Variants in DMRTB1 observed in about 807,000 individuals in gnomAD.
DMRTB1 encodes DMRT like family B with proline rich C-terminal 1.
DMRTB1 carries 9 observed loss-of-function variants against 25.2 expected under a neutral mutation model. That is an observed-to-expected ratio of 0.36 (90% confidence interval 0.22 to 0.62). The LOEUF is 0.62. Ranked by LOEUF, DMRTB1 falls within the 20% of genes least tolerant of loss-of-function variation. DMRTB1 has a pLI of 0.71. For synonymous variants in DMRTB1, 269 were observed against 238.1 expected (o/e 1.13, Z -1.20); for missense variants, 551 against 499.3 (o/e 1.10, Z -0.99).
chr1:53,460,322 T>G, intron 1 of DMRTB1: 6 of 304,484 alleles, frequency 2.0e-5, no homozygotes, highest in East Asian at 7.3e-5. Context: ...TTAGCAGTGC[T>G]TCCTCCTCCG....
chr1:53,461,372 G>A, intron 1 of DMRTB1, 101 bp from the exon 2 acceptor site: 1 of 1,286,218 alleles, frequency 7.8e-7, no homozygotes, highest in Non-Finnish European at 1.0e-6. Flanking sequence ...TGGGCTTTCT[G>A]TGCTTGGACG....
intron 1 of DMRTB1, chr1:53,460,702 TCA>T (rs1334360362): frequency 6.6e-6 from 1 of 152,312 alleles, no homozygotes; most frequent in Admixed American, 6.5e-5. Context: ...TAGTTTCAAG[TCA>T]CATGTACATT....
intron 3 of DMRTB1, 105 bp from the exon 4 acceptor site, chr1:53,466,490 C>CA (rs987768364): frequency 5.6e-5 from 68 of 1,212,658 alleles, no homozygotes; most frequent in Middle Eastern, 4.2e-4. Context: ...GACTCTGTCT[C>CA]AAAAAAATTA....
chr1:53,464,792 A>G lies in DMRTB1; in HGVS notation c.906A>G (p.Pro302=), dbSNP rs961546083. The G allele has an allele frequency of 7.5e-6, 12 of 1,606,534 alleles. No homozygotes were observed. The highest frequency in any genetic ancestry group is 9.4e-6 in the Non-Finnish European group (11 of 1,175,078). Residue 302 remains proline (P), a synonymous_variant, in exon 3 of 4, where the codon CCA becomes CCG. Coordinates refer to ENST00000371445, the MANE Select transcript of DMRTB1 (RefSeq NM_033067.3). The part of the protein sequence containing the change: ...LHFLPPPPPP[P]PPSSFSLTVL... ...TCCTCCCCCCGCCACCGCCACCACC[A>G]CCTCCATCATCTTTCTCACTGACCG...
intron 2 of DMRTB1, among the ~76,000 whole-genome samples, chr1:53,462,932 C>A (rs763631226): frequency 1.3e-5 from 2 of 152,248 alleles, no homozygotes. Context: ...CCAAGTAAAG[C>A]ACGTTCCGTC....
Position 53,459,993 on chromosome 1 carries a change from G to A in DMRTB1, c.540G>A (p.Pro180=), listed in dbSNP as rs769801181. ...CTGGCCCCCTAGACCTGCGCAGGCC[G>A]ATGCGGACCGTGCCCGGCCCACTGT... ...GYPGPLDLRR[P]MRTVPGPLFT... Residue 180 remains proline, a synonymous_variant, in exon 1 of 4, where the codon CCG becomes CCA. Transcript: ENST00000371445. 1.3e-6 allele frequency: 2 copies of A among 1,584,706 alleles called. No homozygotes were observed. Among genetic ancestry groups the A allele is most frequent in the Non-Finnish European group, 8.5e-7 (1 of 1,174,272 alleles).
chr1:53,465,843 A>T (rs1644047229), intron 3 of DMRTB1, among the ~76,000 whole-genome samples: 1 of 152,246 alleles, frequency 6.6e-6, no homozygotes, highest in Non-Finnish European at 1.5e-5. Flanking sequence ...CTCCAGTTTC[A>T]TCATGTGTAA....
At chr1:53,462,183 A>T (rs1037339714) in intron 2 of DMRTB1, among the ~76,000 whole-genome samples, 1 of 152,228 alleles carries the variant, frequency 6.6e-6, no homozygotes, top group African/African-American at 2.4e-5. Flanking sequence ...TAATCCTTTT[A>T]TAAGATTAAT....
rs771048281 is a variant in DMRTB1, at chr1:53,459,746, T to C, written c.293T>C (p.Leu98Pro). The change falls in exon 1 of 4, where the codon CTG (leucine) becomes CCG (proline). Residue 98 changes from leucine (L) to proline (P), a missense_variant. Physicochemically the swap from Leu to Pro is moderately conservative, Grantham distance 98. Transcript: ENST00000371445. ...GTCCCGGCCGCGAGCCTCCGCCCGC[T>C]GTCCCCGGGGACTCCCTCCGGAGAC... ...VPVPAASLRP[L>P]SPGTPSGDAD... 1.7e-4 allele frequency: 230 copies of C among 1,353,668 alleles called. 1 individual carries two copies. The East Asian group carries it at 6.3e-3, about 37-fold the overall frequency. 83.9% of individuals were successfully genotyped at this position (1,353,668 alleles called of 1,614,324 possible).
At chr1:53,461,357 C>A in intron 1 of DMRTB1, 116 bp from the exon 2 acceptor site, 1 of 1,095,148 alleles carries the variant, frequency 9.1e-7, no homozygotes, top group Non-Finnish European at 1.3e-6. Flanking sequence ...GAAGGAAGTG[C>A]GGGGTGGGCT....
chr1:53,464,597 T>C, intron 2 of DMRTB1, 40 bp from the exon 3 acceptor site: 1 of 1,611,542 alleles, frequency 6.2e-7, no homozygotes, highest in Non-Finnish European at 8.5e-7. Flanking sequence ...TCTGGCTAAC[T>C]CTCTCTCCTC....
intron 2 of DMRTB1, among the ~76,000 whole-genome samples, chr1:53,463,146 T>C (rs912020854): frequency 6.6e-6 from 1 of 152,318 alleles, no homozygotes; most frequent in African/African-American, 2.4e-5. Flanking sequence ...TCTTCCACCC[T>C]CTCAAGTCTG....
At chr1:53,462,128 C>G (rs1451906621) in intron 2 of DMRTB1, among the ~76,000 whole-genome samples, 1 of 152,216 alleles carries the variant, frequency 6.6e-6, no homozygotes, top group Non-Finnish European at 1.5e-5. Context: ...AACCTTCCCC[C>G]AAACACTTGA....
intron 3 of DMRTB1, 112 bp from the exon 4 acceptor site, chr1:53,466,483 T>C: frequency 1.8e-6 from 2 of 1,099,380 alleles, no homozygotes; most frequent in Non-Finnish European, 2.7e-6. Flanking sequence ...AGAGCGAGAC[T>C]CTGTCTCAAA....
rs1240459607 is a variant in DMRTB1, at chr1:53,466,590, C to T, written c.962-5C>T. The T allele has an allele frequency of 2.1e-5, 34 of 1,614,040 alleles. No homozygotes were observed. Among genetic ancestry groups the T allele is most frequent in the Non-Finnish European group, 2.5e-5 (30 of 1,179,998 alleles). On this transcript the variant is annotated splice_region_variant and splice_polypyrimidine_tract_variant and intron_variant, in intron 3 of 3. Coordinates refer to ENST00000371445, the MANE Select transcript of DMRTB1 (RefSeq NM_033067.3). The stretch of plus-strand genomic sequence containing the variant: ...AAATCCAGCTACCTTCTTTGTCCTT[C>T]ACAGATGACCAGGATGCAGAGGTAC...
intron 2 of DMRTB1, 33 bp downstream of exon 2, chr1:53,461,678 C>T (rs200728390): frequency 1.1e-5 from 17 of 1,518,408 alleles, no homozygotes; most frequent in Non-Finnish European, 2.6e-6. Context: ...TGCCAGCTTC[C>T]TCCACCCAGT....
rs1434937796 is a variant in DMRTB1 at position 53,466,567 on chromosome 1, ATCCAGCTACCT to A, written c.962-25_962-15del. On this transcript the variant is annotated splice_polypyrimidine_tract_variant and intron_variant, in intron 3 of 3. Coordinates refer to ENST00000371445, the MANE Select transcript of DMRTB1 (RefSeq NM_033067.3). ...TAGTTGTAATTTTCGCTCTTTCTAA[ATCCAGCTACCT>A]TCTTTGTCCTTCACAGATGACCAGG... is the stretch of plus-strand genomic sequence containing the variant. The A allele has an allele frequency of 6.2e-7, 1 of 1,602,240 alleles. No homozygotes were observed. Among genetic ancestry groups the A allele is most frequent in the Non-Finnish European group, 8.5e-7 (1 of 1,176,212 alleles).
rs778004738 is a variant in DMRTB1, at chr1:53,461,551, C to T, written c.656C>T (p.Pro219Leu). 6.2e-6 allele frequency: 10 copies of T among 1,612,254 alleles called. No individual in the cohort carries two copies. Among genetic ancestry groups the T allele is most frequent in the Admixed American group, 3.3e-5 (2 of 59,794 alleles). The change falls in exon 2 of 4, where the codon CCG becomes CTG. Residue 219 changes from proline (P) to leucine (L), a missense_variant. Coordinates refer to ENST00000371445, the MANE Select transcript of DMRTB1 (RefSeq NM_033067.3). ...GGCTCCAGCATGCACCCCTACTGCC[C>T]GTTCCCGCTGGGCTACCTGGACGCC... ...PGGSSMHPYC[P>L]FPLGYLDAPP...
At chr1:53,462,809 A>G (rs1226160220) in intron 2 of DMRTB1, among the ~76,000 whole-genome samples, 1 of 152,216 alleles carries the variant, frequency 6.6e-6, no homozygotes, top group Admixed American at 6.5e-5. Flanking sequence ...CCACAGAGGT[A>G]GAACACACAT....
Sources: allele counts gnomAD v4.1 joint callset (sites outside exome capture counted in the v4.1 genomes callset), GRCh38; gene constraint gnomAD v4.1.1; transcripts MANE v1.5; gene names NCBI Gene and HGNC (gene_info 2026-07-23, HGNC 2026-07-21).